CEP290: variants seen among roughly 807,000 people sequenced by gnomAD.
CEP290 encodes the protein centrosomal protein of 290 kDa.
A neutral mutation model predicts 344.9 loss-of-function variants in CEP290; 317 were observed. That is an observed-to-expected ratio of 0.92 (90% CI 0.84 to 1.01). The LOEUF is 1.01. Ranked by LOEUF, CEP290 falls within the 50% of genes least tolerant of loss-of-function variation. The pLI is 0.00. For missense variants in CEP290, 2,754 were observed against 2,761.4 expected (o/e 1.00, Z 0.06); for synonymous variants, 932 against 895.8 (o/e 1.04, Z -0.72).
At chr12:88,078,672 T>C (rs1423357749) in intron 39 of CEP290, among the ~76,000 whole-genome samples, 1 of 152,128 alleles carries the variant, frequency 6.6e-6, no homozygotes, top group Non-Finnish European at 1.5e-5. Context: ...ACTTGGACTT[T>C]GGGTGATTAT....
rs1288962135 is a variant in CEP290, at chr12:88,089,141, G to T, written c.3920C>A (p.Ser1307Tyr). 1.2e-6 allele frequency: 2 copies of T among 1,601,490 alleles called. No homozygotes were observed. The highest frequency in any genetic ancestry group is 3.5e-5 in the Admixed American group (2 of 57,648). ...CTCCATATTTCTATGTTCTTGTTGA[G>T]AATTTTTCATTTCTTGCATTATCTT... ...KLKIMQEMKNSQQEHRNMENK... is the reference protein window; with the variant it reads ...KLKIMQEMKNYQQEHRNMENK... Residue 1307 changes from serine (S) to tyrosine (Y), a missense_variant, in exon 31 of 54, where the codon TCT becomes TAT. Transcript: ENST00000552810.
At chr12:88,090,942 A>T in intron 29 of CEP290, 103 bp from the exon 30 acceptor site, 1 of 611,040 alleles carries the variant, frequency 1.6e-6, no homozygotes, top group Non-Finnish European at 2.8e-6. Flanking sequence ...ATTCGTTTTC[A>T]GCATCTATCT....
chr12:88,062,599 G>A, intron 46 of CEP290, 93 bp downstream of exon 46: 1 of 751,742 alleles, frequency 1.3e-6, no homozygotes. Flanking sequence ...CACTTGTAGA[G>A]GCATATCAGT....
intron 48 of CEP290, 67 bp downstream of exon 48, chr12:88,059,830 TC>T: frequency 7.7e-7 from 1 of 1,307,170 alleles, no homozygotes; most frequent in Non-Finnish European, 1.0e-6. Context: ...AGGATCTACT[TC>T]CAGTTTTTCC....
At chr12:88,086,643 C>G (rs1311616913) in intron 32 of CEP290, 145 bp from the exon 33 acceptor site, 1 of 582,518 alleles carries the variant, frequency 1.7e-6, no homozygotes, top group Non-Finnish European at 2.9e-6. Context: ...AATACAAACT[C>G]AGAGAGGTGA....
At chr12:88,088,830 A>T (rs1246374081) in intron 31 of CEP290, among the ~76,000 whole-genome samples, 2 of 152,138 alleles carry the variant, frequency 1.3e-5, no homozygotes, top group Non-Finnish European at 2.9e-5. Context: ...CCTTGTCTCT[A>T]CAAAAAAATT....
chr12:88,081,959 T>C (rs543585614), intron 37 of CEP290, among the ~76,000 whole-genome samples: 4 of 152,290 alleles, frequency 2.6e-5, no homozygotes, highest in Admixed American at 2.6e-4. Flanking sequence ...TTTCTTTCTT[T>C]TAGAGAGTAA....
At chr12:88,098,720 ATAATTGATATT>A (rs1389015040) in intron 26 of CEP290, among the ~76,000 whole-genome samples, 1 of 152,216 alleles carries the variant, frequency 6.6e-6, no homozygotes, top group Non-Finnish European at 1.5e-5. Flanking sequence ...TAACCACCAA[ATAATTGATATT>A]TAAGCTGAAC....
At chr12:88,080,426 T>C (rs2137108066) in intron 37 of CEP290, 31 bp from the exon 38 acceptor site, 3 of 1,517,002 alleles carry the variant, frequency 2.0e-6, no homozygotes, top group Non-Finnish European at 2.7e-6. Context: ...TGTGTGTGTG[T>C]TTTTTAATTT....
At chr12:88,054,496 G>A (rs923136797) in intron 50 of CEP290, 83 bp from the exon 51 acceptor site, 49 of 1,071,776 alleles carry the variant, frequency 4.6e-5, no homozygotes, top group South Asian at 7.1e-5. Context: ...TTAACAAAGC[G>A]TAATATTAAA....
In CEP290 at chr12:88,139,286, AAAGAGTCCATCATGATTAT is replaced by A. The variant is rs552449427; in HGVS notation, c.251-114_251-96del. 1,853 of 621,812 alleles carry A rather than the reference AAAGAGTCCATCATGATTAT, an allele frequency of 3.0e-3. 13 individuals are homozygous for A. The highest frequency in any genetic ancestry group is 2.6e-3 in the Non-Finnish European group (987 of 381,364). The allele number at this position is 621,812 out of a possible 1,614,324, so 38.5% of individuals were successfully genotyped here. ...TTCAATAACAAAATTAATTCTTTTA[AAAGAGTCCATCATGATTAT>A]AAGGTAACAAAAAGTATTATATGGC... On this transcript the variant is annotated intron_variant, in intron 4 of 53. Coordinates refer to ENST00000552810, the MANE Select transcript of CEP290 (RefSeq NM_025114.4).
At chr12:88,120,320 T>G in intron 14 of CEP290, 44 bp from the exon 15 acceptor site, 1 of 997,740 alleles carries the variant, frequency 1.0e-6, no homozygotes, top group Non-Finnish European at 1.4e-6. Context: ...ATGGTTTACT[T>G]GAATAAATTT....
intron 6 of CEP290, among the ~76,000 whole-genome samples, chr12:88,132,619 G>A (rs1433116249): frequency 6.6e-6 from 1 of 152,162 alleles, no homozygotes; most frequent in Non-Finnish European, 1.5e-5. Flanking sequence ...ACAAGAGACA[G>A]AGAAATACAT....
In CEP290 at chr12:88,109,258, T is replaced by C. The variant is rs907282131; in HGVS notation, c.2368-77A>G. The C allele has an allele frequency of 5.4e-5, 31 of 578,298 alleles. No homozygotes were observed. In the African/African-American group the frequency reaches 5.6e-4, roughly 10 times the overall value. 35.8% of individuals were successfully genotyped at this position (578,298 alleles called of 1,614,324 possible). A position where few individuals can be genotyped will look rare whatever the true frequency, so the allele number is the denominator to read the frequency against. On this transcript the variant is annotated intron_variant, in intron 22 of 53. Coordinates refer to ENST00000552810, the MANE Select transcript of CEP290 (RefSeq NM_025114.4). ...TGCTGAATTTGAAAGTATAAATTCA[T>C]ATTCTGACAACATTATAGGAAAGTT...
In CEP290 at chr12:88,072,062, T is replaced by G. The variant is rs1205051471; in HGVS notation, c.5710-136A>C. 7.1e-6 allele frequency: 6 copies of G among 844,626 alleles called. No homozygotes were observed. The Admixed American group carries it at 2.2e-4, about 32-fold the overall frequency. 52.3% of individuals were successfully genotyped at this position (844,626 alleles called of 1,614,324 possible). ...GAATATGTAAATATGTTCATTTTGC[T>G]ATACAGGTTGAGTATCCCTTACGAA... On this transcript the variant is annotated intron_variant, in intron 41 of 53. Coordinates refer to ENST00000552810, the MANE Select transcript of CEP290 (RefSeq NM_025114.4).
chr12:88,117,077 AT>A lies in CEP290; in HGVS notation c.1779del (p.Lys593AsnfsTer5). ...ATATTTTTGAGGCTCAATAAATCCAATTTTCTTTCACTTATTCTATCTCCTT... is the reference window on the plus strand; with the variant it reads ...ATATTTTTGAGGCTCAATAAATCCAATTTCTTTCACTTATTCTATCTCCTT... ...ISQGDRISER[K>X]LDLLSLKNMS... is the part of the protein sequence containing the mutation. On this transcript the variant is annotated frameshift_variant, in exon 18 of 54. Transcript: ENST00000552810. LOFTEE classifies it high-confidence loss of function. The A allele has an allele frequency of 6.4e-7, 1 of 1,560,672 alleles. No individual in the cohort carries two copies. The highest frequency in any genetic ancestry group is 8.7e-7 in the Non-Finnish European group (1 of 1,149,194).
At chr12:88,068,676 T>C (rs1468412730) in intron 43 of CEP290, 31 bp from the exon 44 acceptor site, 1 of 1,551,188 alleles carries the variant, frequency 6.4e-7, no homozygotes, top group Non-Finnish European at 8.6e-7. Context: ...CTCTTTACTA[T>C]TCACATTTCA....
In CEP290 at chr12:88,125,263, T is replaced by C; in HGVS notation, c.1172A>G (p.Glu391Gly). 1.1e-6 allele frequency: 1 copy of C among 885,178 alleles called. No individual in the cohort carries two copies. Among genetic ancestry groups the C allele is most frequent in the Non-Finnish European group, 1.6e-6 (1 of 624,084 alleles). The allele number at this position is 885,178 out of a possible 1,614,324, so 54.8% of individuals were successfully genotyped here. A position where few individuals can be genotyped will look rare whatever the true frequency, so the allele number is the denominator to read the frequency against. The change falls in exon 13 of 54, where the codon GAG becomes GGG. Residue 391 changes from glutamate to glycine, a missense_variant. By Grantham distance (98) the Glu-to-Gly change is moderately conservative (BLOSUM62 -2). Coordinates refer to ENST00000552810, the MANE Select transcript of CEP290 (RefSeq NM_025114.4). ...AAAAATACCTTTGTTTCTTTGGAGC[T>C]CATTTTTCAAATCTTCAATAATACA... ...NTCIIEDLKN[E>G]LQRNKGASTL... is the part of the protein sequence containing the mutation.
chr12:88,102,247 T>A (rs575730001), intron 26 of CEP290, among the ~76,000 whole-genome samples: 1 of 152,302 alleles, frequency 6.6e-6, no homozygotes, highest in East Asian at 1.9e-4. Flanking sequence ...TACTCTAGTT[T>A]TTTTATTTTT....
Sources: gnomAD v4.1 joint callset for allele counts (sites outside exome capture counted in the v4.1 genomes callset) on GRCh38, gnomAD v4.1.1 for gene constraint, MANE v1.5 for transcripts, NCBI Gene and HGNC (gene_info 2026-07-23, HGNC 2026-07-21) for gene names.